The following EYS variants were observed in gnomAD, a reference collection of about 807,000 sequenced individuals.
EYS encodes the protein EGF-like photoreceptor maintenance factor.
A neutral mutation model predicts 282.1 loss-of-function variants in EYS; 250 were observed. That is an observed-to-expected ratio of 0.89 (90% CI 0.80 to 0.98). EYS has a LOEUF of 0.98. Ranked by LOEUF, EYS falls within the 50% of genes least tolerant of loss-of-function variation. The probability of loss-of-function intolerance (pLI) is 0.00; values close to 1 mark genes in which losing one functional copy is unlikely to be tolerated. For synonymous variants in EYS, 1,355 were observed against 1,282.9 expected, an observed-to-expected ratio of 1.06 and a Z score of -1.20; for missense variants, 4,016 against 3,709.0, an observed-to-expected ratio of 1.08 and a Z score of -2.15.
At chr6:64,443,968 A>T (rs1054640893) in intron 26 of EYS, among the ~76,000 whole-genome samples, 1 of 152,210 alleles carries the variant, frequency 6.6e-6, no homozygotes, top group Admixed American at 6.5e-5. Flanking sequence ...AGGGCCAAAG[A>T]AGGATAACAT....
At chr6:63,754,687 A>T (rs1769431972) in intron 41 of EYS, among the ~76,000 whole-genome samples, 1 of 152,204 alleles carries the variant, frequency 6.6e-6, no homozygotes, top group African/African-American at 2.4e-5. Context: ...CATGATTTAT[A>T]ATCCTTTGGG....
At chr6:64,228,876 A>G (rs537157204) in intron 31 of EYS, among the ~76,000 whole-genome samples, 3 of 152,284 alleles carry the variant, frequency 2.0e-5, no homozygotes, top group East Asian at 1.9e-4. Flanking sequence ...AAAGAGTTAA[A>G]GGAGAGAGAA....
At chr6:65,334,873 C>A (rs924637226) in intron 11 of EYS, 107 bp downstream of exon 11, 56 of 1,021,176 alleles carry the variant, frequency 5.5e-5, no homozygotes, top group Non-Finnish European at 8.0e-5. Context: ...AAATTCCAAT[C>A]ATTTTAATCA....
chr6:65,476,159 C>A (rs1765397278), intron 5 of EYS, among the ~76,000 whole-genome samples: 1 of 152,054 alleles, frequency 6.6e-6, no homozygotes, highest in Non-Finnish European at 1.5e-5. Flanking sequence ...GAAGTGAAAC[C>A]TTGGGTTCTA....
chr6:64,965,266 T>C (rs1770054072), intron 14 of EYS, among the ~76,000 whole-genome samples: 1 of 152,054 alleles, frequency 6.6e-6, no homozygotes, highest in Non-Finnish European at 1.5e-5. Flanking sequence ...TATTCCTGCT[T>C]GAATGCTTGT....
chr6:65,057,790 T>G, intron 12 of EYS, 63 bp from the exon 13 acceptor site: 1 of 1,148,316 alleles, frequency 8.7e-7, no homozygotes. Flanking sequence ...CAAGTCGTAA[T>G]TCTTAAATTT....
intron 31 of EYS, among the ~76,000 whole-genome samples, chr6:64,185,364 A>G (rs1260778368): frequency 7.6e-6 from 1 of 132,188 alleles, no homozygotes; most frequent in Non-Finnish European, 1.6e-5. Context: ...AAAATACTGT[A>G]TTCACTTGAT....
chr6:63,937,305 G>A (rs1266771945), intron 35 of EYS, among the ~76,000 whole-genome samples: 3 of 127,582 alleles, frequency 2.4e-5, no homozygotes, highest in Non-Finnish European at 1.6e-5. Context: ...AGTGATATCA[G>A]ACACTGTCAA....
At chr6:65,698,145 AC>A (rs1769525370) in intron 1 of EYS, among the ~76,000 whole-genome samples, 1 of 152,150 alleles carries the variant, frequency 6.6e-6, no homozygotes, top group African/African-American at 2.4e-5. Context: ...TATTTGTCTG[AC>A]AAAGGTGCAT....
intron 30 of EYS, among the ~76,000 whole-genome samples, chr6:64,236,589 C>G (rs1029919083): frequency 6.6e-6 from 1 of 151,992 alleles, no homozygotes; most frequent in Non-Finnish European, 1.5e-5. Context: ...ATCAAACATT[C>G]GTTTTTCTTT....
At chr6:64,567,227 T>C (rs545299200) in intron 26 of EYS, among the ~76,000 whole-genome samples, 3 of 151,806 alleles carry the variant, frequency 2.0e-5, no homozygotes, top group Non-Finnish European at 4.4e-5. Context: ...CAATACGGAG[T>C]GAGAGTATAC....
intron 26 of EYS, among the ~76,000 whole-genome samples, chr6:64,547,946 T>A (rs1259110762): frequency 6.6e-6 from 1 of 152,190 alleles, no homozygotes; most frequent in Non-Finnish European, 1.5e-5. Flanking sequence ...CACTGCCCAG[T>A]GCCAGCAGGG....
chr6:65,022,796 G>C (rs913913159), intron 13 of EYS, among the ~76,000 whole-genome samples: 3 of 151,436 alleles, frequency 2.0e-5, no homozygotes, highest in Non-Finnish European at 4.4e-5. Flanking sequence ...AAACTTCATT[G>C]TTAAACTTAT....
intron 14 of EYS, among the ~76,000 whole-genome samples, chr6:64,982,592 G>T (rs16896133): frequency 0.071 from 10,782 of 151,100 alleles, 449 homozygotes; most frequent in African/African-American, 0.12. Flanking sequence ...ACTAAATAGG[G>T]ACATAGAATC....
chr6:64,676,554 C>T (rs957755243), intron 22 of EYS, among the ~76,000 whole-genome samples: 2 of 151,916 alleles, frequency 1.3e-5, no homozygotes, highest in Non-Finnish European at 2.9e-5. Context: ...TACCAGTAAA[C>T]CTACAACCAA....
At chr6:64,673,652 A>T (rs969453405) in intron 22 of EYS, among the ~76,000 whole-genome samples, 6 of 152,084 alleles carry the variant, frequency 3.9e-5, no homozygotes, top group Non-Finnish European at 7.4e-5. Context: ...TTTATAAATG[A>T]TCAACCTCTC....
chr6:65,428,920 T>C (rs145221237), intron 5 of EYS, among the ~76,000 whole-genome samples: 93 of 152,202 alleles, frequency 6.1e-4, no homozygotes, highest in African/African-American at 2.1e-3. Flanking sequence ...TGGTGGCTCA[T>C]GCCTATAATC....
chr6:63,891,721 G>T (rs1773413507), intron 35 of EYS, among the ~76,000 whole-genome samples: 1 of 152,088 alleles, frequency 6.6e-6, no homozygotes, highest in Non-Finnish European at 1.5e-5. Context: ...CATACTATTG[G>T]AAGTTCTGGC....
intron 35 of EYS, among the ~76,000 whole-genome samples, chr6:63,974,524 G>T (rs1766740803): frequency 6.6e-6 from 1 of 151,872 alleles, no homozygotes; most frequent in Non-Finnish European, 1.5e-5. Context: ...GATCAATCAG[G>T]GTAAATGAGT....
Sources: gnomAD v4.1 joint callset for allele counts (sites outside exome capture counted in the v4.1 genomes callset) on GRCh38, gnomAD v4.1.1 for gene constraint, MANE v1.5 for transcripts, NCBI Gene and HGNC (gene_info 2026-07-23, HGNC 2026-07-21) for gene names.